The following SRPK2 variants were observed in gnomAD, a reference collection of about 807,000 sequenced individuals.
SRPK2 encodes SRSF protein kinase 2.
A neutral mutation model predicts 90.8 loss-of-function variants in SRPK2; 21 were observed. The ratio of observed to expected loss-of-function variants is 0.23; its 90% confidence interval spans 0.16 to 0.33. The LOEUF is 0.33. SRPK2 is among the 10% of genes least tolerant of loss of function. SRPK2 has a pLI of 1.00. For missense variants in SRPK2, 620 were observed against 869.0 expected (o/e 0.71, Z 3.60); for synonymous variants, 288 against 311.1 (o/e 0.93, Z 0.78).
rs185694493 is a variant in SRPK2, at chr7:105,364,351, T to C, written c.71+24297A>G. Among the ~76,000 whole-genome samples the C allele has an allele frequency of 1.1e-4, 17 of 152,080 alleles. No homozygotes were observed. In the East Asian group the frequency reaches 1.5e-3, roughly 14 times the overall value. The stretch of plus-strand genomic sequence containing the variant: ...CCAGACATTCATGATGGTCTCTCTA[T>C]TGAGTTCTCTTCTGCTGCACTGAAA... On this transcript the variant is annotated intron_variant, in intron 2 of 15. Transcript: ENST00000393651.
Position 105,243,630 on chromosome 7 carries a change from CAA to C in SRPK2, c.72-39847_72-39846del, listed in dbSNP as rs767760238. ...TGGGTAACAGAGAGAGACTCCATCT[CAA>C]AAAAAAAAAAAAAAAAAACCACATG... On this transcript the variant is annotated intron_variant, in intron 2 of 15. Transcript: ENST00000393651. 8.1e-3 allele frequency among the ~76,000 whole-genome samples: 451 copies of C among 55,550 alleles called. 8 individuals carry two copies. In the East Asian group the frequency reaches 0.13, roughly 16 times the overall value. 36.4% of individuals were successfully genotyped at this position (55,550 alleles called of 152,430 possible). A position where few individuals can be genotyped will look rare whatever the true frequency, so the allele number is the denominator to read the frequency against.
At position 105,131,395 on chromosome 7, in the gene SRPK2, T is replaced by C. The variant is rs886553394; in HGVS notation, c.1752+1396A>G. Among the ~76,000 whole-genome samples the C allele has an allele frequency of 3.3e-5, 5 of 152,192 alleles. No individual in the cohort carries two copies. In the East Asian group the frequency reaches 5.8e-4, roughly 18 times the overall value. On this transcript the variant is annotated intron_variant, in intron 13 of 15. Transcript: ENST00000393651. ...CTCTCTAAATTCAAAGTGACCATCATTGGCCACCGGTTCTTTTAACCGTTC... is the reference window on the plus strand; with the variant it reads ...CTCTCTAAATTCAAAGTGACCATCACTGGCCACCGGTTCTTTTAACCGTTC...
chr7:105,372,143 A>T (rs1819775039), intron 2 of SRPK2, among the ~76,000 whole-genome samples: 1 of 149,502 alleles, frequency 6.7e-6, no homozygotes, highest in East Asian at 2.2e-4. Context: ...TCATAAAAAA[A>T]AAAAAAAAAA....
At position 105,379,343 on chromosome 7, in the gene SRPK2, C is replaced by T. The variant is rs59042853; in HGVS notation, c.71+9305G>A. On this transcript the variant is annotated intron_variant, in intron 2 of 15. Transcript: ENST00000393651. ...CATTGTATATATATTATTAGTAATCCAGAGATAATTTAAAATATACAGGAG... is the reference window on the plus strand; with the variant it reads ...CATTGTATATATATTATTAGTAATCTAGAGATAATTTAAAATATACAGGAG... Among the ~76,000 whole-genome samples the T allele has an allele frequency of 4.7e-3, 714 of 151,774 alleles. 11 individuals carry two copies. The East Asian group carries it at 0.055, about 12-fold the overall frequency.
intron 2 of SRPK2, among the ~76,000 whole-genome samples, chr7:105,211,848 A>G (rs1345632720): frequency 1.3e-4 from 20 of 152,222 alleles, no homozygotes. Context: ...CGTAGTACAC[A>G]GCCAACTCAA....
At chr7:105,185,563 A>G (rs1003414419) in intron 3 of SRPK2, among the ~76,000 whole-genome samples, 1 of 152,116 alleles carries the variant, frequency 6.6e-6, no homozygotes, top group African/African-American at 2.4e-5. Context: ...TAATAATAAT[A>G]ATACACTGTA....
intron 2 of SRPK2, among the ~76,000 whole-genome samples, chr7:105,217,160 AAC>A (rs1797573694): frequency 6.6e-6 from 1 of 152,226 alleles, no homozygotes; most frequent in Non-Finnish European, 1.5e-5. Context: ...TGCAAAGGTC[AAC>A]ATCGATCCCA....
chr7:105,330,373 AAAAAAT>A (rs1438063808), intron 2 of SRPK2, among the ~76,000 whole-genome samples: 1 of 151,388 alleles, frequency 6.6e-6, no homozygotes, highest in Non-Finnish European at 1.5e-5. Context: ...AATAAAATAT[AAAAAAT>A]AAAAATAAAA....
chr7:105,376,142 C>A (rs939250732), intron 2 of SRPK2, among the ~76,000 whole-genome samples: 5 of 151,364 alleles, frequency 3.3e-5, no homozygotes, highest in Non-Finnish European at 7.4e-5. Flanking sequence ...CTACAGGCGC[C>A]CGCCACCACA....
chr7:105,209,255 A>T lies in SRPK2; in HGVS notation c.72-5470T>A, dbSNP rs1313533785. Among the ~76,000 whole-genome samples, 3 of 152,166 alleles carry T rather than the reference A, an allele frequency of 2.0e-5. No individual in the cohort carries two copies. In the East Asian group the frequency reaches 5.8e-4, roughly 29 times the overall value. On this transcript the variant is annotated intron_variant, in intron 2 of 15. Coordinates refer to ENST00000393651, the MANE Select transcript of SRPK2 (RefSeq NM_182692.3). ...CATGTACTATAAGAAATATAAAGAAATATACCACTTCAGGCCGGGTGCAGT... is the reference window on the plus strand; with the variant it reads ...CATGTACTATAAGAAATATAAAGAATTATACCACTTCAGGCCGGGTGCAGT...
At chr7:105,311,490 C>A (rs753534949) in intron 2 of SRPK2, among the ~76,000 whole-genome samples, 3 of 152,160 alleles carry the variant, frequency 2.0e-5, no homozygotes, top group Non-Finnish European at 4.4e-5. Flanking sequence ...GCCTAGGCCT[C>A]CCAAAGTGCT....
intron 2 of SRPK2, among the ~76,000 whole-genome samples, chr7:105,382,552 C>CAAAAAA (rs71152969): frequency 6.6e-5 from 5 of 75,906 alleles, no homozygotes; most frequent in African/African-American, 1.6e-4. Context: ...AACTCCATCT[C>CAAAAAA]AAAAAAAAAA....
intron 6 of SRPK2, among the ~76,000 whole-genome samples, chr7:105,162,832 A>C (rs1807886746): frequency 6.6e-6 from 1 of 152,238 alleles, no homozygotes; most frequent in Non-Finnish European, 1.5e-5. Flanking sequence ...AACAGTAAAA[A>C]TACCCACTAG....
chr7:105,135,595 T>C lies in SRPK2; in HGVS notation c.1544-2491A>G, dbSNP rs896718015. Among the ~76,000 whole-genome samples the C allele has an allele frequency of 5.3e-5, 8 of 152,222 alleles. No homozygotes were observed. The South Asian group carries it at 8.3e-4, about 16-fold the overall frequency. On this transcript the variant is annotated intron_variant, in intron 11 of 15. Coordinates refer to ENST00000393651, the MANE Select transcript of SRPK2 (RefSeq NM_182692.3). ...GATTTCTTTTTCTCCATGAGAACAG[T>C]AGCCGAGTTGGCTGTTATCTGAGGG...
At chr7:105,237,023 G>A (rs535596861) in intron 2 of SRPK2, among the ~76,000 whole-genome samples, 2 of 152,326 alleles carry the variant, frequency 1.3e-5, no homozygotes, top group African/African-American at 4.8e-5. Context: ...TCAAGTTTGT[G>A]TAAAGACAGG....
intron 2 of SRPK2, among the ~76,000 whole-genome samples, chr7:105,251,155 C>T (rs1802433012): frequency 6.6e-6 from 1 of 152,174 alleles, no homozygotes; most frequent in African/African-American, 2.4e-5. Flanking sequence ...CAGGACAACG[C>T]CATAGCAATA....
At chr7:105,156,077 A>C (rs889280515) in intron 7 of SRPK2, among the ~76,000 whole-genome samples, 1 of 152,200 alleles carries the variant, frequency 6.6e-6, no homozygotes, top group Non-Finnish European at 1.5e-5. Flanking sequence ...AGAAAATCTT[A>C]AACAGGTTCC....
chr7:105,326,830 G>A (rs759973542), intron 2 of SRPK2, among the ~76,000 whole-genome samples: 3 of 152,150 alleles, frequency 2.0e-5, no homozygotes, highest in Non-Finnish European at 2.9e-5. Context: ...GGCAGGTGGA[G>A]GCAGGTGGAT....
chr7:105,172,282 C>T (rs941711971), intron 3 of SRPK2, among the ~76,000 whole-genome samples: 1 of 152,188 alleles, frequency 6.6e-6, no homozygotes, highest in African/African-American at 2.4e-5. Context: ...CTGTGCGAGG[C>T]ACTTTATTTT....
Sources: allele counts gnomAD v4.1 joint callset (sites outside exome capture counted in the v4.1 genomes callset), GRCh38; gene constraint gnomAD v4.1.1; transcripts MANE v1.5; gene names NCBI Gene and HGNC (gene_info 2026-07-23, HGNC 2026-07-21).